The following ANO1 variants were observed in gnomAD, a reference collection of about 807,000 sequenced individuals.
The protein encoded by ANO1 is anoctamin 1.
In ANO1, 59 loss-of-function variants were observed where a neutral mutation model predicts 124.0. The ratio of observed to expected loss-of-function variants is 0.48; its 90% CI spans 0.39 to 0.59. The LOEUF is 0.59. Among genes scored for constraint, ANO1 ranks in the 20% least tolerant of loss-of-function variants. The pLI is 0.00. For synonymous variants in ANO1, 529 were observed against 532.0 expected, an observed-to-expected ratio of 0.99 and a Z score of 0.08; for missense variants, 1,059 against 1,328.0, an observed-to-expected ratio of 0.80 and a Z score of 3.15.
chr11:70,003,463 A>T (rs1185711466), intron 1 of ANO1, among the ~76,000 whole-genome samples: 1 of 152,194 alleles, frequency 6.6e-6, no homozygotes, highest in Non-Finnish European at 1.5e-5. Context: ...GCATTCTTGT[A>T]TGGAAAGTGT....
intron 1 of ANO1, among the ~76,000 whole-genome samples, chr11:70,012,409 T>C (rs1856612714): frequency 6.6e-6 from 1 of 151,640 alleles, no homozygotes; most frequent in African/African-American, 2.4e-5. Flanking sequence ...CATTCATCCA[T>C]CCATCCACCC....
intron 1 of ANO1, among the ~76,000 whole-genome samples, chr11:69,988,223 A>G (rs2120284729): frequency 6.6e-6 from 1 of 152,352 alleles, no homozygotes; most frequent in South Asian, 2.1e-4. Flanking sequence ...GAGAACAGAA[A>G]GAGGTCTGGG....
intron 1 of ANO1, among the ~76,000 whole-genome samples, chr11:70,084,089 T>G (rs2135198408): frequency 6.6e-6 from 1 of 151,782 alleles, no homozygotes; most frequent in South Asian, 2.1e-4. Flanking sequence ...GAGAGGAGAC[T>G]GGGGAAGGCA....
chr11:70,014,354 A>G lies in ANO1; in HGVS notation c.58+28188A>G, dbSNP rs550491138. 6.5e-5 allele frequency among the ~76,000 whole-genome samples: 9 copies of G among 138,964 alleles called. No individual in the cohort carries two copies. In the South Asian group the frequency reaches 1.9e-3, roughly 30 times the overall value. 91.2% of individuals were successfully genotyped at this position (138,964 alleles called of 152,430 possible). ...GAGCCGCTCCTTTGCCTCCAACACCATAGAGCAGTTTTGCCTGGTTTTGAT... is the reference window on the plus strand; with the variant it reads ...GAGCCGCTCCTTTGCCTCCAACACCGTAGAGCAGTTTTGCCTGGTTTTGAT... On this transcript the variant is annotated intron_variant, in intron 1 of 27. Transcript: ENST00000531349.
chr11:69,989,894 G>A (rs1411158724), intron 1 of ANO1, among the ~76,000 whole-genome samples: 3 of 152,174 alleles, frequency 2.0e-5, no homozygotes, highest in Non-Finnish European at 4.4e-5. Flanking sequence ...TTGAGTGGCT[G>A]GAAGAAGGAA....
At chr11:70,073,260 C>G (rs1565174326) in intron 1 of ANO1, among the ~76,000 whole-genome samples, 1 of 152,136 alleles carries the variant, frequency 6.6e-6, no homozygotes, top group Non-Finnish European at 1.5e-5. Flanking sequence ...CACCCACCAT[C>G]CTGGGGAGGA....
chr11:70,021,662 A>G (rs1219071516), intron 1 of ANO1, among the ~76,000 whole-genome samples: 1 of 151,952 alleles, frequency 6.6e-6, no homozygotes, highest in Non-Finnish European at 1.5e-5. Flanking sequence ...TCCCATGTCG[A>G]TCGTCTGAGA....
chr11:70,103,399 C>G (rs766387198), intron 3 of ANO1, among the ~76,000 whole-genome samples: 6 of 152,108 alleles, frequency 3.9e-5, no homozygotes, highest in African/African-American at 1.4e-4. Context: ...AGACCCCAGA[C>G]CAAACCCCAC....
intron 7 of ANO1, among the ~76,000 whole-genome samples, 157 bp downstream of exon 7, chr11:70,111,919 C>A (rs188749608): frequency 6.6e-6 from 1 of 152,232 alleles, no homozygotes; most frequent in Non-Finnish European, 1.5e-5. Flanking sequence ...CCCTGTTCCC[C>A]GGGTGGGGGC....
At chr11:70,068,292 A>T (rs1555008887) in intron 1 of ANO1, among the ~76,000 whole-genome samples, 1 of 152,138 alleles carries the variant, frequency 6.6e-6, no homozygotes, top group African/African-American at 2.4e-5. Context: ...GTAAAAATTG[A>T]CCTGTGGGTA....
intron 1 of ANO1, among the ~76,000 whole-genome samples, chr11:70,002,461 C>CAAATAAAAAA (rs1856399367): frequency 1.1e-5 from 1 of 94,958 alleles, no homozygotes; most frequent in Non-Finnish European, 2.1e-5. Context: ...GAGACTCCAC[C>CAAATAAAAAA]AAAAAAAAAA....
intron 24 of ANO1, among the ~76,000 whole-genome samples, chr11:70,185,294 C>A (rs1005878589): frequency 6.6e-6 from 1 of 152,244 alleles, no homozygotes; most frequent in Admixed American, 6.5e-5. Flanking sequence ...TGGTCCCCAC[C>A]CTTGATTCTG....
At chr11:70,140,865 TAA>T (rs1355191581) in intron 11 of ANO1, among the ~76,000 whole-genome samples, 1 of 152,208 alleles carries the variant, frequency 6.6e-6, no homozygotes, top group African/African-American at 2.4e-5. Flanking sequence ...ATCTGTCCCT[TAA>T]TGTAAACATC....
At chr11:70,110,059 G>A (rs1333140338) in intron 6 of ANO1, among the ~76,000 whole-genome samples, 2 of 152,138 alleles carry the variant, frequency 1.3e-5, no homozygotes, top group African/African-American at 4.8e-5. Context: ...ACTGTGATGA[G>A]AGAAGGCCTT....
chr11:70,186,609 C>T (rs899164868), intron 25 of ANO1, among the ~76,000 whole-genome samples: 1 of 152,094 alleles, frequency 6.6e-6, no homozygotes, highest in African/African-American at 2.4e-5. Flanking sequence ...CCCAGTGGAG[C>T]GGGACCCCAG....
chr11:70,013,505 A>T (rs1856638772), intron 1 of ANO1, among the ~76,000 whole-genome samples: 1 of 152,106 alleles, frequency 6.6e-6, no homozygotes, highest in South Asian at 2.1e-4. Flanking sequence ...GGGCGTGGTG[A>T]CTTACACTTG....
intron 21 of ANO1, among the ~76,000 whole-genome samples, chr11:70,169,541 G>A (rs1166000753): frequency 4.0e-5 from 6 of 150,378 alleles, no homozygotes; most frequent in African/African-American, 1.5e-4. Context: ...AGCGCCTCTC[G>A]GAAGTGAGGA....
chr11:70,155,910 G>C lies in ANO1; in HGVS notation c.1426-1G>C. On this transcript the variant is annotated splice_acceptor_variant, in intron 14 of 25. Coordinates refer to ENST00000355303, the MANE Select transcript of ANO1 (RefSeq NM_018043.7). LOFTEE classifies it high-confidence loss of function. Reference sequence around the variant, plus strand: ...GCTCTCTTTCCCCCACCCCCCCTCAGAAGCGCCGGCATATTCCAGAGGAGT... The same window carrying C: ...GCTCTCTTTCCCCCACCCCCCCTCACAAGCGCCGGCATATTCCAGAGGAGT... The C allele has an allele frequency of 6.5e-7, 1 of 1,539,788 alleles. No homozygotes were observed. The highest frequency in any genetic ancestry group is 8.8e-7 in the Non-Finnish European group (1 of 1,142,624).
At chr11:70,166,568 G>A (rs2048262822) in intron 20 of ANO1, among the ~76,000 whole-genome samples, 1 of 152,116 alleles carries the variant, frequency 6.6e-6, no homozygotes, top group Non-Finnish European at 1.5e-5. Flanking sequence ...TGGCTGCTGG[G>A]TCTCTGGAGT....
Sources: gnomAD v4.1 joint callset for allele counts (sites outside exome capture counted in the v4.1 genomes callset) on GRCh38, gnomAD v4.1.1 for gene constraint, MANE v1.5 for transcripts, NCBI Gene and HGNC (gene_info 2026-07-23, HGNC 2026-07-21) for gene names.